The following CGNL1 variants were observed in gnomAD, a reference collection of about 807,000 sequenced individuals.
The protein encoded by CGNL1 is cingulin-like protein 1.
CGNL1 carries 132 observed loss-of-function variants against 141.2 expected under a neutral mutation model. The ratio of observed to expected loss-of-function variants is 0.93; its 90% CI spans 0.81 to 1.08. The LOEUF is 1.08. Ranked by LOEUF, CGNL1 falls within the 50% of genes least tolerant of loss-of-function variation. The pLI is 0.00. For synonymous variants in CGNL1, 690 were observed against 622.1 expected, an observed-to-expected ratio of 1.11 and a Z score of -1.63; for missense variants, 1,870 against 1,588.6, an observed-to-expected ratio of 1.18 and a Z score of -3.01.
chr15:57,539,710 C>T (rs552422486), intron 14 of CGNL1, among the ~76,000 whole-genome samples: 7 of 152,320 alleles, frequency 4.6e-5, no homozygotes, highest in African/African-American at 1.7e-4. Flanking sequence ...CCCTTCTTGC[C>T]TTTTGGGATA....
chr15:57,544,270 T>C (rs1321064070), intron 15 of CGNL1, among the ~76,000 whole-genome samples: 2 of 152,250 alleles, frequency 1.3e-5, no homozygotes, highest in African/African-American at 4.8e-5. Context: ...ATAGAACTTC[T>C]TCTTCTGGCC....
At chr15:57,394,283 C>T (rs2062578680) in intron 1 of CGNL1, among the ~76,000 whole-genome samples, 1 of 151,644 alleles carries the variant, frequency 6.6e-6, no homozygotes, top group Non-Finnish European at 1.5e-5. Flanking sequence ...GCCATCAAGC[C>T]CAGCTAATTT....
intron 14 of CGNL1, among the ~76,000 whole-genome samples, chr15:57,535,406 G>A (rs147815511): frequency 6.6e-6 from 1 of 152,308 alleles, no homozygotes; most frequent in African/African-American, 2.4e-5. Flanking sequence ...GCTAATGAGG[G>A]AAAGACCATT....
At chr15:57,431,886 T>G (rs1664429) in intron 1 of CGNL1, among the ~76,000 whole-genome samples, 1 of 152,208 alleles carries the variant, frequency 6.6e-6, no homozygotes, top group Non-Finnish European at 1.5e-5. Flanking sequence ...ATCAGCCTGG[T>G]AGTATCTTCT....
At position 57,376,540 on chromosome 15, in the gene CGNL1, C is replaced by G. The variant is rs1270807293; in HGVS notation, c.-43C>G. 6.6e-6 allele frequency: 1 copy of G among 152,668 alleles called. No homozygotes were observed. The highest frequency in any genetic ancestry group is 1.5e-5 in the Non-Finnish European group (1 of 68,256). The allele number at this position is 152,668 out of a possible 1,614,324, so 9.5% of individuals were successfully genotyped here. ...CGGGCTCTGCTGGCTGCGGCGGGAG[C>G]TGGACGCGGGAGGAGGCGGCGGCGG... On this transcript the variant is annotated 5_prime_UTR_variant, in exon 1 of 19. Transcript: ENST00000281282.
intron 1 of CGNL1, among the ~76,000 whole-genome samples, chr15:57,415,472 G>T (rs934132749): frequency 3.9e-5 from 6 of 152,184 alleles, no homozygotes; most frequent in African/African-American, 1.4e-4. Flanking sequence ...AAATGCAGGT[G>T]GCCTCTAGAA....
chr15:57,407,351 T>C (rs1208016287), intron 1 of CGNL1: 50 of 152,168 alleles, frequency 3.3e-4, no homozygotes, highest in Admixed American at 3.0e-3. Context: ...AATGTTTAAA[T>C]AAGTAATTGC....
intron 9 of CGNL1, among the ~76,000 whole-genome samples, 190 bp from the exon 10 acceptor site, chr15:57,518,203 G>C (rs1211363596): frequency 6.6e-6 from 1 of 152,140 alleles, no homozygotes; most frequent in African/African-American, 2.4e-5. Context: ...CCTGAGAACT[G>C]GAACTGCAGA....
At chr15:57,529,830 TTAG>T (rs1190130092) in intron 13 of CGNL1, among the ~76,000 whole-genome samples, 1 of 152,242 alleles carries the variant, frequency 6.6e-6, no homozygotes, top group Non-Finnish European at 1.5e-5. Flanking sequence ...TCCAGGGGAC[TTAG>T]TAGCTGTTTA....
chr15:57,518,556 C>G lies in CGNL1; in HGVS notation c.2715+59C>G, dbSNP rs1308682636. 4.4e-6 allele frequency: 5 copies of G among 1,141,702 alleles called. No individual in the cohort carries two copies. In the African/African-American group the frequency reaches 7.7e-5, roughly 18 times the overall value. 70.7% of individuals were successfully genotyped at this position (1,141,702 alleles called of 1,614,324 possible). On this transcript the variant is annotated intron_variant, in intron 10 of 18. Coordinates refer to ENST00000281282, the MANE Select transcript of CGNL1 (RefSeq NM_032866.5). The stretch of plus-strand genomic sequence containing the variant: ...AAGAAGAATGCATAGAGACGCAACA[C>G]CAGAGGGATGTGTGGAGATTGTCCT...
chr15:57,463,399 C>T (rs1012024473), intron 8 of CGNL1, among the ~76,000 whole-genome samples: 2 of 152,208 alleles, frequency 1.3e-5, no homozygotes, highest in Admixed American at 6.5e-5. Flanking sequence ...TATATATTAA[C>T]TCATAGTATT....
chr15:57,543,896 C>G (rs185760593), intron 15 of CGNL1, 117 bp downstream of exon 15: 4 of 697,924 alleles, frequency 5.7e-6, no homozygotes, highest in Non-Finnish European at 9.7e-6. Flanking sequence ...CCCAAGAACT[C>G]TGGGGGGTAA....
intron 4 of CGNL1, among the ~76,000 whole-genome samples, chr15:57,449,198 C>T (rs182946250): frequency 3.6e-4 from 55 of 152,270 alleles, no homozygotes; most frequent in Admixed American, 2.3e-3. Context: ...TGAACTCTTG[C>T]TCTGCTCATA....
In CGNL1 at chr15:57,547,533, G is replaced by T. The variant is rs1228968659; in HGVS notation, c.*43G>T. The T allele has an allele frequency of 4.4e-6, 7 of 1,597,382 alleles. No homozygotes were observed. The highest frequency in any genetic ancestry group is 5.1e-6 in the Non-Finnish European group (6 of 1,171,012). ...GGAAGTACCTGTCATTCCTGCAGGA[G>T]CTGCAGCCACCCAAAGTGGGAGGCA... On this transcript the variant is annotated 3_prime_UTR_variant, in exon 19 of 19. Transcript: ENST00000281282.
intron 8 of CGNL1, among the ~76,000 whole-genome samples, chr15:57,512,397 G>T (rs1042479381): frequency 6.6e-6 from 1 of 152,116 alleles, no homozygotes; most frequent in Non-Finnish European, 1.5e-5. Context: ...GGGTGTGGGG[G>T]CATGAAAATG....
chr15:57,437,619 C>CAAAAAAAAAAAAAAAAAAAAAA (rs540499763), intron 1 of CGNL1, among the ~76,000 whole-genome samples: 6 of 36,084 alleles, frequency 1.7e-4, no homozygotes, highest in Non-Finnish European at 2.2e-4. Flanking sequence ...AACTAAACAG[C>CAAAAAAAAAAAAAAAAAAAAAA]AAAAAAAAAA....
At chr15:57,498,513 T>C (rs1192912335) in intron 8 of CGNL1, among the ~76,000 whole-genome samples, 7 of 152,174 alleles carry the variant, frequency 4.6e-5, no homozygotes, top group Non-Finnish European at 8.8e-5. Context: ...CCTGTTTTTG[T>C]TTGTTTATTT....
At chr15:57,505,297 C>A (rs12595169) in intron 8 of CGNL1, among the ~76,000 whole-genome samples, 18,712 of 152,130 alleles carry the variant, frequency 0.12, 1,818 homozygotes, top group East Asian at 0.45. Flanking sequence ...TTTTCTTGAT[C>A]CGTGCAGTGA....
In CGNL1 at chr15:57,439,114, C is replaced by T. The variant is rs376234948; in HGVS notation, c.1115C>T (p.Ser372Phe). The change falls in exon 2 of 19, where the codon TCT becomes TTT. Residue 372 changes from serine to phenylalanine, a missense_variant. By Grantham distance (155) the Ser-to-Phe change is radical. Transcript: ENST00000281282. ...QKPGLQRRGR[S>F]GKRNRINTDD... ...CCTGGGCTTCAGAGAAGAGGAAGGT[C>T]TGGGAAGCGAAACAGAATTAATACA... is the stretch of plus-strand genomic sequence containing the variant. 2 of 1,614,046 alleles carry T rather than the reference C, an allele frequency of 1.2e-6. No homozygotes were observed. The highest frequency in any genetic ancestry group is 1.7e-6 in the Non-Finnish European group (2 of 1,180,040).
Sources: allele counts gnomAD v4.1 joint callset (sites outside exome capture counted in the v4.1 genomes callset), GRCh38; gene constraint gnomAD v4.1.1; transcripts MANE v1.5; gene names NCBI Gene and HGNC (gene_info 2026-07-23, HGNC 2026-07-21).